The following CHID1 variants were observed in gnomAD, a reference collection of about 807,000 sequenced individuals.
CHID1 encodes chitinase domain containing 1.
In CHID1, 44 loss-of-function variants were observed where a neutral mutation model predicts 55.4. That is an observed-to-expected ratio of 0.79 (90% CI 0.62 to 1.02). The LOEUF is 1.02. CHID1 is among the 50% of genes least tolerant of loss of function. The pLI, the probability that CHID1 is intolerant of heterozygous loss-of-function variation, is 0.00. For missense variants in CHID1, 491 were observed against 515.3 expected, an observed-to-expected ratio of 0.95 and a Z score of 0.46; for synonymous variants, 216 against 212.9, an observed-to-expected ratio of 1.01 and a Z score of -0.13.
chr11:870,868 A>G, intron 10 of CHID1: 1 of 210,840 alleles, frequency 4.7e-6, no homozygotes. Context: ...TGAGAGGCTA[A>G]CCAGACAGGC....
upstream of CHID1, among the ~76,000 whole-genome samples, chr11:913,532 G>T (rs1320809036): frequency 6.6e-6 from 1 of 152,208 alleles, no homozygotes; most frequent in Non-Finnish European, 1.5e-5. Context: ...CAGCACTTTG[G>T]GAGGCCGAGG....
chr11:904,227 G>C (rs1852039137), intron 2 of CHID1, among the ~76,000 whole-genome samples: 1 of 152,220 alleles, frequency 6.6e-6, no homozygotes, highest in Admixed American at 6.5e-5. Context: ...TTACAGTCCT[G>C]TGGCAGGGTC....
chr11:879,934 G>A (rs1849783958), intron 10 of CHID1, among the ~76,000 whole-genome samples: 1 of 152,250 alleles, frequency 6.6e-6, no homozygotes, highest in African/African-American at 2.4e-5. Flanking sequence ...GACATGAGCT[G>A]TGCTTCCAGA....
intron 10 of CHID1, among the ~76,000 whole-genome samples, chr11:877,403 C>G (rs957495507): frequency 6.6e-6 from 1 of 152,168 alleles, no homozygotes; most frequent in African/African-American, 2.4e-5. Flanking sequence ...ACCACCATAC[C>G]GGCTAATTTG....
chr11:900,248 T>A, intron 5 of CHID1, 138 bp from the exon 6 acceptor site: 2 of 654,656 alleles, frequency 3.1e-6, no homozygotes, highest in Non-Finnish European at 5.4e-6. Flanking sequence ...GGAGGCCACC[T>A]GGAGCACCCA....
chr11:886,249 C>T (rs938628195), intron 8 of CHID1, among the ~76,000 whole-genome samples: 18 of 151,100 alleles, frequency 1.2e-4, no homozygotes, highest in African/African-American at 4.4e-4. Context: ...CTCTTGAGCT[C>T]AGGAGTTGGA....
At chr11:874,113 T>C (rs1403396948) in intron 10 of CHID1, among the ~76,000 whole-genome samples, 1 of 152,114 alleles carries the variant, frequency 6.6e-6, no homozygotes, top group Non-Finnish European at 1.5e-5. Context: ...ATAAGTGGGA[T>C]GAGAGGCTTG....
At chr11:906,099 T>C (rs1852191969) in intron 1 of CHID1, among the ~76,000 whole-genome samples, 1 of 152,146 alleles carries the variant, frequency 6.6e-6, no homozygotes, top group Non-Finnish European at 1.5e-5. Flanking sequence ...CACACCTGGC[T>C]AATTTTTGTA....
At chr11:884,011 C>T (rs1352211364) in intron 9 of CHID1, 57 bp downstream of exon 9, 15 of 1,361,166 alleles carry the variant, frequency 1.1e-5, no homozygotes, top group Non-Finnish European at 1.5e-5. Context: ...CAGGTCCACA[C>T]TCACTGCTGC....
At chr11:898,360 G>A (rs771759181) in intron 7 of CHID1, among the ~76,000 whole-genome samples, 60 of 151,992 alleles carry the variant, frequency 3.9e-4, no homozygotes, top group Non-Finnish European at 1.3e-4. Flanking sequence ...TGGTGGGGGC[G>A]GGGGAGCCGA....
chr11:910,971 GCCGC>G (rs1852646156), upstream of CHID1: 2 of 260,858 alleles, frequency 7.7e-6, no homozygotes, highest in Non-Finnish European at 1.2e-5. Flanking sequence ...CCGGGGCGGG[GCCGC>G]GCCGGGGGCG....
At chr11:914,029 C>T (rs1164311060), upstream of CHID1, among the ~76,000 whole-genome samples, 3 of 150,688 alleles carry the variant, frequency 2.0e-5, no homozygotes, top group African/African-American at 7.3e-5. Context: ...GATCGCGCCA[C>T]TGCACTCCAG....
chr11:908,573 T>C (rs1014326728), intron 1 of CHID1: 2 of 985,002 alleles, frequency 2.0e-6, no homozygotes, highest in African/African-American at 1.8e-5. Context: ...CTGCCTCAGC[T>C]CCCAGGCACC....
chr11:897,069 CCA>C (rs570794866), intron 7 of CHID1, among the ~76,000 whole-genome samples: 31 of 146,226 alleles, frequency 2.1e-4, no homozygotes, highest in African/African-American at 7.7e-4. Context: ...AGCCTCCACC[CCA>C]GACACGAGCC....
upstream of CHID1, chr11:914,515 T>G (rs1488878521): frequency 2.3e-6 from 3 of 1,288,358 alleles, no homozygotes; most frequent in East Asian, 1.7e-4. Flanking sequence ...GGAGACCCCA[T>G]GCCTTACCTG....
intron 2 of CHID1, 41 bp downstream of exon 2, chr11:904,650 ATGATGGATCAGCCCT>A: frequency 6.3e-7 from 1 of 1,595,012 alleles, no homozygotes; most frequent in South Asian, 1.1e-5. Flanking sequence ...AAAGAAGAGG[ATGATGGATCAGCCCT>A]CAGCCAGTAC....
intron 10 of CHID1, among the ~76,000 whole-genome samples, chr11:878,406 AAAAAC>A (rs969332998): frequency 4.6e-5 from 7 of 151,854 alleles, no homozygotes; most frequent in Admixed American, 6.6e-5. Context: ...CCGTCTCAAA[AAAAAC>A]AAAACAAAAC....
In CHID1 at chr11:884,168, T is replaced by A. The variant is rs1420444013; in HGVS notation, c.703A>T (p.Thr235Ser). 1.2e-6 allele frequency: 2 copies of A among 1,613,518 alleles called. No individual in the cohort carries two copies. The highest frequency in any genetic ancestry group is 2.7e-5 in the African/African-American group (2 of 74,918). Residue 235 changes from threonine (T) to serine (S), a missense_variant and splice_region_variant, in exon 9 of 13, where the codon ACC becomes TCC. By Grantham distance (58) the Thr-to-Ser change is moderately conservative. Coordinates refer to ENST00000323578, the MANE Select transcript of CHID1 (RefSeq NM_023947.4). Reference protein sequence around the residue: ...LVIPPAITPGTDQLGMFTHKE... With the variant: ...LVIPPAITPGSDQLGMFTHKE... ...TGCGTGAACATGCCCAGCTGGTCGG[T>A]CCTGTAACAGACAGGTGCAGCCACC...
intron 2 of CHID1, 41 bp from the exon 3 acceptor site, chr11:903,152 C>T: frequency 6.3e-7 from 1 of 1,595,080 alleles, no homozygotes; most frequent in Non-Finnish European, 8.5e-7. Flanking sequence ...AGTCATCTGT[C>T]CACAGTGTAG....
Sources: gnomAD v4.1 joint callset for allele counts (sites outside exome capture counted in the v4.1 genomes callset) on GRCh38, gnomAD v4.1.1 for gene constraint, MANE v1.5 for transcripts, NCBI Gene and HGNC (gene_info 2026-07-23, HGNC 2026-07-21) for gene names.